DLG2: variants seen among roughly 807,000 people sequenced by gnomAD.
DLG2 encodes the protein disks large homolog 2.
Under a neutral mutation model 132.5 loss-of-function variants are expected in DLG2, and 45 were observed. The observed-to-expected ratio is 0.34, with a 90% CI of 0.27 to 0.44. The LOEUF is 0.44. DLG2 is among the 20% of genes least tolerant of loss of function. The pLI is 1.00. For missense variants in DLG2, 1,045 were observed against 1,196.9 expected, an observed-to-expected ratio of 0.87 and a Z score of 1.87; for synonymous variants, 424 against 419.6, an observed-to-expected ratio of 1.01 and a Z score of -0.13.
intron 9 of DLG2, among the ~76,000 whole-genome samples, chr11:84,123,924 T>C (rs536596047): frequency 6.6e-6 from 1 of 152,366 alleles, no homozygotes; most frequent in East Asian, 1.9e-4. Context: ...GAATGTATTC[T>C]ACTCACAAAG....
chr11:84,459,851 T>C (rs2099075641), intron 7 of DLG2, among the ~76,000 whole-genome samples: 1 of 150,684 alleles, frequency 6.6e-6, no homozygotes, highest in African/African-American at 2.4e-5. Flanking sequence ...CCCTGAGATG[T>C]ACCTTATTCT....
chr11:83,480,107 T>C (rs775460301), intron 22 of DLG2, among the ~76,000 whole-genome samples: 3 of 152,010 alleles, frequency 2.0e-5, no homozygotes, highest in Admixed American at 2.0e-4. Context: ...TCTGTGAGAA[T>C]TGAATCACTG....
At chr11:85,194,746 G>A (rs975376009) in intron 4 of DLG2, among the ~76,000 whole-genome samples, 13 of 152,064 alleles carry the variant, frequency 8.5e-5, no homozygotes, top group Admixed American at 2.6e-4. Context: ...GGAGAATAAT[G>A]AGACAAACTC....
At chr11:83,829,754 T>A (rs2053930844) in intron 17 of DLG2, among the ~76,000 whole-genome samples, 1 of 149,326 alleles carries the variant, frequency 6.7e-6, no homozygotes, top group African/African-American at 2.5e-5. Context: ...TTTATTTATT[T>A]TTATTATTAT....
At chr11:83,700,057 G>A (rs1046527353) in intron 18 of DLG2, among the ~76,000 whole-genome samples, 1 of 151,442 alleles carries the variant, frequency 6.6e-6, no homozygotes, top group Non-Finnish European at 1.5e-5. Context: ...ATGAGGGCAG[G>A]AGAGGAACAA....
At chr11:84,093,542 A>G (rs1341229865) in intron 10 of DLG2, among the ~76,000 whole-genome samples, 1 of 152,220 alleles carries the variant, frequency 6.6e-6, no homozygotes, top group African/African-American at 2.4e-5. Context: ...TAAAAATCAT[A>G]GGAGTGACAT....
At chr11:85,609,181 A>G (rs1417970850) in intron 2 of DLG2, among the ~76,000 whole-genome samples, 1 of 152,170 alleles carries the variant, frequency 6.6e-6, no homozygotes, top group Non-Finnish European at 1.5e-5. Flanking sequence ...TGCCTTCCTC[A>G]AGTGGCTACG....
At chr11:83,569,504 G>A (rs1399198527) in intron 19 of DLG2, among the ~76,000 whole-genome samples, 1 of 152,122 alleles carries the variant, frequency 6.6e-6, no homozygotes, top group Non-Finnish European at 1.5e-5. Flanking sequence ...TTTTACAGAT[G>A]AGGAAATTGC....
intron 18 of DLG2, among the ~76,000 whole-genome samples, chr11:83,752,007 G>C (rs1325157199): frequency 2.0e-5 from 3 of 152,198 alleles, no homozygotes; most frequent in Non-Finnish European, 4.4e-5. Context: ...GGTGGCTCAC[G>C]CCTGTAATCC....
intron 6 of DLG2, among the ~76,000 whole-genome samples, chr11:84,563,493 AC>A (rs2099436191): frequency 6.6e-6 from 1 of 152,086 alleles, no homozygotes; most frequent in African/African-American, 2.4e-5. Context: ...TTTTTTCAGA[AC>A]CTGGCATTTT....
At chr11:84,327,330 G>A (rs929044771) in intron 7 of DLG2, among the ~76,000 whole-genome samples, 4 of 152,012 alleles carry the variant, frequency 2.6e-5, no homozygotes, top group East Asian at 1.9e-4. Flanking sequence ...TGATCCACCC[G>A]CCTTGGCCTC....
chr11:85,425,522 T>TG (rs1226131825), intron 3 of DLG2, among the ~76,000 whole-genome samples: 5 of 152,048 alleles, frequency 3.3e-5, no homozygotes, highest in African/African-American at 1.2e-4. Context: ...CACTTTAAAT[T>TG]GAAAAAAAAC....
At position 85,556,129 on chromosome 11, in the gene DLG2, T is replaced by C. The variant is rs115328414; in HGVS notation, c.40+42528A>G. ...AGATGAGGTTTACATTGAGATATTG[T>C]TGAAATTGGCATTATATGGTTATCT... On this transcript the variant is annotated intron_variant, in intron 3 of 27. Transcript: ENST00000376104. Among the ~76,000 whole-genome samples, 1,348 of 151,992 alleles carry C rather than the reference T, an allele frequency of 8.9e-3. 26 individuals are homozygous for C. The highest frequency in any genetic ancestry group is 0.032 in the African/African-American group (1,311 of 41,526).
chr11:84,867,216 G>A (rs1376916553), intron 6 of DLG2, among the ~76,000 whole-genome samples: 1 of 152,102 alleles, frequency 6.6e-6, no homozygotes, highest in African/African-American at 2.4e-5. Context: ...CCTTCCACAG[G>A]TTTTAGTTTT....
At chr11:83,994,496 A>C (rs1221032633) in intron 11 of DLG2, among the ~76,000 whole-genome samples, 2 of 152,178 alleles carry the variant, frequency 1.3e-5, no homozygotes, top group Non-Finnish European at 1.5e-5. Flanking sequence ...CAGCCTCCCA[A>C]GTAGCTGGGA....
chr11:84,100,521 T>A (rs1469982454), intron 9 of DLG2, among the ~76,000 whole-genome samples: 5 of 151,858 alleles, frequency 3.3e-5, no homozygotes, highest in African/African-American at 1.2e-4. Context: ...ATGCCCTTTC[T>A]GTATAGCTAG....
intron 3 of DLG2, among the ~76,000 whole-genome samples, chr11:85,406,415 C>G (rs1213600679): frequency 6.6e-6 from 1 of 151,800 alleles, no homozygotes; most frequent in East Asian, 1.9e-4. Context: ...TTTAAAAAAA[C>G]AGAAAAAGTT....
At chr11:83,894,967 C>G (rs2071158097) in intron 15 of DLG2, among the ~76,000 whole-genome samples, 1 of 151,396 alleles carries the variant, frequency 6.6e-6, no homozygotes, top group Non-Finnish European at 1.5e-5. Flanking sequence ...GCAAATGACA[C>G]AATGGATTAT....
At chr11:83,779,277 G>C (rs1594215597) in intron 18 of DLG2, among the ~76,000 whole-genome samples, 1 of 151,912 alleles carries the variant, frequency 6.6e-6, no homozygotes, top group Non-Finnish European at 1.5e-5. Context: ...GAGAAAAACT[G>C]TAATATATTT....
Sources: allele counts gnomAD v4.1 joint callset (sites outside exome capture counted in the v4.1 genomes callset), GRCh38; gene constraint gnomAD v4.1.1; transcripts MANE v1.5; gene names NCBI Gene and HGNC (gene_info 2026-07-23, HGNC 2026-07-21).